The following AGBL4 variants were observed in gnomAD, a reference collection of about 807,000 sequenced individuals.
The protein encoded by AGBL4 is cytosolic carboxypeptidase 6.
AGBL4 carries 58 observed loss-of-function variants against 66.4 expected under a neutral mutation model. That is an observed-to-expected ratio of 0.87 (90% CI 0.71 to 1.09). AGBL4 has a LOEUF of 1.09. Among genes scored for constraint, AGBL4 ranks in the 50% least tolerant of loss-of-function variants. AGBL4 has a pLI of 0.00. For missense variants in AGBL4, 579 were observed against 631.0 expected (o/e 0.92, Z 0.88); for synonymous variants, 234 against 222.9 (o/e 1.05, Z -0.44).
chr1:49,858,359 T>A (rs900911256), intron 1 of AGBL4, among the ~76,000 whole-genome samples: 65 of 152,156 alleles, frequency 4.3e-4, no homozygotes, highest in African/African-American at 1.5e-3. Flanking sequence ...AAAAGTACCA[T>A]ACAATCCAGC....
chr1:49,222,578 G>A (rs952442966), intron 4 of AGBL4, among the ~76,000 whole-genome samples: 12 of 152,266 alleles, frequency 7.9e-5, no homozygotes, highest in Non-Finnish European at 8.8e-5. Context: ...AAGTTCCTAA[G>A]AGGAAATACA....
chr1:48,622,475 A>ATTTTTTT (rs35455455), intron 9 of AGBL4, among the ~76,000 whole-genome samples: 3 of 71,856 alleles, frequency 4.2e-5, no homozygotes, highest in African/African-American at 1.6e-4. Context: ...ATTCAAATAC[A>ATTTTTTT]TTTTTTTTTT....
intron 3 of AGBL4, among the ~76,000 whole-genome samples, chr1:49,578,687 T>G (rs1644483499): frequency 6.6e-6 from 1 of 152,186 alleles, no homozygotes; most frequent in African/African-American, 2.4e-5. Flanking sequence ...TAATAGTATT[T>G]GGGTTGGGGA....
At chr1:49,811,321 C>T (rs1645097962) in intron 2 of AGBL4, among the ~76,000 whole-genome samples, 2 of 152,080 alleles carry the variant, frequency 1.3e-5, no homozygotes, top group Non-Finnish European at 2.9e-5. Flanking sequence ...TGCATATCTA[C>T]AACACTTGTT....
At chr1:49,872,384 C>T (rs1001069924) in intron 1 of AGBL4, among the ~76,000 whole-genome samples, 8 of 151,972 alleles carry the variant, frequency 5.3e-5, no homozygotes, top group African/African-American at 1.2e-4. Context: ...AAGATTTTGA[C>T]TGGAATGACA....
chr1:49,920,767 T>C (rs1652143783), intron 1 of AGBL4, among the ~76,000 whole-genome samples: 3 of 152,164 alleles, frequency 2.0e-5, no homozygotes. Flanking sequence ...CTACAAATCA[T>C]GCTGCTATAA....
chr1:48,560,123 C>T lies in AGBL4; in HGVS notation c.1268-20385G>A, dbSNP rs79478133. Among the ~76,000 whole-genome samples the T allele has an allele frequency of 3.3e-4, 51 of 152,264 alleles. 1 individual carries two copies. The East Asian group carries it at 9.3e-3, about 28-fold the overall frequency. On this transcript the variant is annotated intron_variant, in intron 11 of 13. Transcript: ENST00000371839. Reference sequence around the variant, plus strand: ...TCTGAACTCGGAACCTCTTTCATGACACTTGCAGCTTTTTATCTTGTGTTA... The same window carrying T: ...TCTGAACTCGGAACCTCTTTCATGATACTTGCAGCTTTTTATCTTGTGTTA...
At chr1:49,700,326 GA>G (rs1293009829) in intron 2 of AGBL4, among the ~76,000 whole-genome samples, 1 of 150,912 alleles carries the variant, frequency 6.6e-6, no homozygotes, top group East Asian at 1.9e-4. Context: ...TAGATAGATA[GA>G]TAGATAGATA....
At chr1:49,807,787 A>T (rs1019349774) in intron 2 of AGBL4, among the ~76,000 whole-genome samples, 2 of 152,170 alleles carry the variant, frequency 1.3e-5, no homozygotes, top group Admixed American at 1.3e-4. Flanking sequence ...GATGCTGTTC[A>T]GAGGTGAGGA....
chr1:48,964,736 A>C (rs534884726), intron 5 of AGBL4, among the ~76,000 whole-genome samples: 54 of 152,122 alleles, frequency 3.5e-4, no homozygotes, highest in African/African-American at 7.0e-4. Context: ...AAAATAAATA[A>C]ATACATACAT....
intron 3 of AGBL4, among the ~76,000 whole-genome samples, chr1:49,648,354 A>G (rs1182634699): frequency 6.6e-6 from 1 of 151,936 alleles, no homozygotes; most frequent in Non-Finnish European, 1.5e-5. Context: ...AACCAAGAAC[A>G]GAATATCCAA....
intron 6 of AGBL4, among the ~76,000 whole-genome samples, chr1:48,698,354 G>C (rs995844906): frequency 6.6e-6 from 1 of 152,154 alleles, no homozygotes; most frequent in South Asian, 2.1e-4. Context: ...AGGTCACTAC[G>C]GTACAGTGGG....
chr1:49,714,684 T>C (rs1161432844), intron 2 of AGBL4, among the ~76,000 whole-genome samples: 1 of 151,508 alleles, frequency 6.6e-6, no homozygotes, highest in African/African-American at 2.4e-5. Context: ...ATTCATGGAC[T>C]CTTGGATTGA....
In AGBL4 at chr1:49,948,027, A is replaced by T. The variant is rs769976550; in HGVS notation, c.34+75736T>A. 9.7e-3 allele frequency among the ~76,000 whole-genome samples: 723 copies of T among 74,654 alleles called. 1 individual carries two copies. The highest frequency in any genetic ancestry group is 0.037 in the Middle Eastern group (3 of 82). The allele number at this position is 74,654 out of a possible 152,430, so 49.0% of individuals were successfully genotyped here. On this transcript the variant is annotated intron_variant, in intron 1 of 13. Coordinates refer to ENST00000371839, the MANE Select transcript of AGBL4 (RefSeq NM_032785.4). The stretch of plus-strand genomic sequence containing the variant: ...ATATATAAATATATAAATATATATA[A>T]ATATATATACATATAAATATATAAA...
intron 3 of AGBL4, among the ~76,000 whole-genome samples, chr1:49,277,870 G>T (rs979610636): frequency 1.3e-5 from 2 of 152,012 alleles, no homozygotes; most frequent in African/African-American, 4.8e-5. Context: ...TCCACTGAAT[G>T]GTGTTCAATA....
intron 3 of AGBL4, among the ~76,000 whole-genome samples, chr1:49,644,698 T>C (rs528340502): frequency 1.3e-5 from 2 of 151,494 alleles, no homozygotes; most frequent in African/African-American, 2.4e-5. Context: ...CTCTAAATTA[T>C]TGATGGAACA....
At chr1:48,957,589 T>C (rs1657587730) in intron 5 of AGBL4, among the ~76,000 whole-genome samples, 1 of 152,152 alleles carries the variant, frequency 6.6e-6, no homozygotes, top group African/African-American at 2.4e-5. Flanking sequence ...ATTTCCCATC[T>C]CTCCAGGTCT....
At chr1:49,732,268 T>C (rs1452510977) in intron 2 of AGBL4, among the ~76,000 whole-genome samples, 1 of 152,164 alleles carries the variant, frequency 6.6e-6, no homozygotes, top group African/African-American at 2.4e-5. Context: ...TCTTGGTTTA[T>C]CCTAAGGCTG....
At chr1:49,761,852 C>T (rs966618694) in intron 2 of AGBL4, among the ~76,000 whole-genome samples, 1 of 152,162 alleles carries the variant, frequency 6.6e-6, no homozygotes, top group African/African-American at 2.4e-5. Flanking sequence ...CCCCATTCTC[C>T]CCTTCTCTCA....
Sources: allele counts gnomAD v4.1 joint callset (sites outside exome capture counted in the v4.1 genomes callset), GRCh38; gene constraint gnomAD v4.1.1; transcripts MANE v1.5; gene names NCBI Gene and HGNC (gene_info 2026-07-23, HGNC 2026-07-21).